Variants in ST6GALNAC3 observed in about 807,000 individuals in gnomAD.
ST6GALNAC3 encodes the protein ST6 N-acetylgalactosaminide alpha-2,6-sialyltransferase 3, also known as alpha-N-acetylgalactosaminide alpha-2,6-sialyltransferase 3.
Under a neutral mutation model 32.7 loss-of-function variants are expected in ST6GALNAC3, and 25 were observed. The observed-to-expected ratio is 0.76, with a 90% CI of 0.56 to 1.07. The LOEUF (loss-of-function observed/expected upper bound fraction) is 1.07. Among genes scored for constraint, ST6GALNAC3 ranks in the 50% least tolerant of loss-of-function variants. ST6GALNAC3 has a pLI of 0.00. For synonymous variants in ST6GALNAC3, 129 were observed against 133.1 expected (o/e 0.97, Z 0.21); for missense variants, 355 against 382.4 (o/e 0.93, Z 0.60).
At chr1:76,589,968 G>A (rs544608149) in intron 3 of ST6GALNAC3, among the ~76,000 whole-genome samples, 18 of 152,076 alleles carry the variant, frequency 1.2e-4, no homozygotes, top group Admixed American at 5.2e-4. Context: ...TTTATTCAGC[G>A]TCACCTTCTC....
chr1:76,472,760 G>A (rs891744124), intron 3 of ST6GALNAC3, among the ~76,000 whole-genome samples: 1 of 152,068 alleles, frequency 6.6e-6, no homozygotes, highest in African/African-American at 2.4e-5. Flanking sequence ...GTTGTTTTTG[G>A]TGCACGTGCG....
chr1:76,528,400 C>T (rs1342641130), intron 3 of ST6GALNAC3, among the ~76,000 whole-genome samples: 2 of 152,012 alleles, frequency 1.3e-5, no homozygotes, highest in South Asian at 2.1e-4. Flanking sequence ...AGGTCTTCTT[C>T]GGGATCCTGG....
chr1:76,251,093 C>CT lies in ST6GALNAC3; in HGVS notation c.19-62703dup, dbSNP rs960189760. Among the ~76,000 whole-genome samples, 57 of 151,422 alleles carry CT rather than the reference C, an allele frequency of 3.8e-4. 1 individual carries two copies. Among genetic ancestry groups the CT allele is most frequent in the African/African-American group, 7.7e-4 (32 of 41,340 alleles). On this transcript the variant is annotated intron_variant, in intron 1 of 4. Coordinates refer to ENST00000328299, the MANE Select transcript of ST6GALNAC3 (RefSeq NM_152996.4). ...CATTGAAAGTCAAACTTCTCCTACC[C>CT]TTTTTTTTTATCGCCTTTTCCACCT...
chr1:76,492,882 C>T (rs988180870), intron 3 of ST6GALNAC3, among the ~76,000 whole-genome samples: 1 of 152,118 alleles, frequency 6.6e-6, no homozygotes, highest in Non-Finnish European at 1.5e-5. Flanking sequence ...ACCTGTTCTA[C>T]TAACTATTTT....
At chr1:76,274,749 G>A (rs1659039157) in intron 1 of ST6GALNAC3, among the ~76,000 whole-genome samples, 2 of 152,256 alleles carry the variant, frequency 1.3e-5, no homozygotes, top group African/African-American at 2.4e-5. Context: ...GTGGAGGGGG[G>A]TGCTTTTCCA....
chr1:76,322,600 G>T (rs531523199), intron 2 of ST6GALNAC3, among the ~76,000 whole-genome samples: 7 of 152,154 alleles, frequency 4.6e-5, no homozygotes, highest in Non-Finnish European at 8.8e-5. Flanking sequence ...AAGGTAATTT[G>T]TCACTAAGTA....
intron 1 of ST6GALNAC3, among the ~76,000 whole-genome samples, chr1:76,283,953 C>T (rs920844246): frequency 2.6e-5 from 4 of 152,108 alleles, no homozygotes; most frequent in Non-Finnish European, 5.9e-5. Flanking sequence ...ATAAGGGAAC[C>T]TTTATCATTA....
chr1:76,395,691 G>A (rs2101178921), intron 2 of ST6GALNAC3, among the ~76,000 whole-genome samples: 1 of 152,244 alleles, frequency 6.6e-6, no homozygotes, highest in East Asian at 1.9e-4. Context: ...GGAACTGGGG[G>A]TGATTCTGTT....
chr1:76,156,354 G>A (rs1270236703), intron 1 of ST6GALNAC3, among the ~76,000 whole-genome samples: 2 of 152,010 alleles, frequency 1.3e-5, no homozygotes, highest in African/African-American at 4.8e-5. Context: ...ACTTAAGGAG[G>A]GGGAGTTATA....
At chr1:76,384,620 T>A (rs910548511) in intron 2 of ST6GALNAC3, among the ~76,000 whole-genome samples, 3 of 152,098 alleles carry the variant, frequency 2.0e-5, no homozygotes, top group African/African-American at 7.2e-5. Flanking sequence ...TTAACCAAAT[T>A]AATCACATAC....
chr1:76,498,822 T>C (rs1322339308), intron 3 of ST6GALNAC3, among the ~76,000 whole-genome samples: 1 of 152,070 alleles, frequency 6.6e-6, no homozygotes, highest in Non-Finnish European at 1.5e-5. Flanking sequence ...CTGGAAAGTG[T>C]CTGGGAAGAG....
At chr1:76,313,674 TA>T in intron 1 of ST6GALNAC3, 130 bp from the exon 2 acceptor site, 1 of 1,005,848 alleles carries the variant, frequency 9.9e-7, no homozygotes, top group Non-Finnish European at 1.6e-6. Context: ...CATTTCCAGG[TA>T]AAATATGCTG....
chr1:76,077,916 C>T (rs1646838896), intron 1 of ST6GALNAC3, among the ~76,000 whole-genome samples: 2 of 152,172 alleles, frequency 1.3e-5, no homozygotes, highest in Non-Finnish European at 2.9e-5. Flanking sequence ...ACCCCATTCT[C>T]AAATGGCTTA....
intron 2 of ST6GALNAC3, among the ~76,000 whole-genome samples, chr1:76,339,121 G>C (rs987070152): frequency 8.5e-5 from 13 of 152,170 alleles, no homozygotes; most frequent in African/African-American, 3.1e-4. Flanking sequence ...GTGATCCTGA[G>C]AGTGGTAGGC....
chr1:76,367,451 A>C (rs1225917215), intron 2 of ST6GALNAC3, among the ~76,000 whole-genome samples: 1 of 152,162 alleles, frequency 6.6e-6, no homozygotes, highest in Admixed American at 6.5e-5. Flanking sequence ...GGAAATAAAC[A>C]TAACTAAGAA....
intron 2 of ST6GALNAC3, among the ~76,000 whole-genome samples, chr1:76,347,755 A>G (rs867851153): frequency 3.3e-5 from 5 of 152,096 alleles, no homozygotes; most frequent in South Asian, 2.1e-4. Flanking sequence ...CTCTTGCTCT[A>G]TCTATCACTA....
At position 76,628,891 on chromosome 1, in the gene ST6GALNAC3, G is replaced by T. The variant is rs1570488983; in HGVS notation, c.*85G>T. On this transcript the variant is annotated 3_prime_UTR_variant, in exon 5 of 5. Transcript: ENST00000328299. ...GCTGATGATGCTAATGGAGATGATG[G>T]TAATGATAAAGACAACAACAATGAT... The T allele has an allele frequency of 1.3e-6, 2 of 1,566,764 alleles. No individual in the cohort carries two copies. The highest frequency in any genetic ancestry group is 2.3e-5 in the East Asian group (1 of 44,278).
intron 1 of ST6GALNAC3, among the ~76,000 whole-genome samples, chr1:76,225,355 T>C (rs1444385185): frequency 6.6e-6 from 1 of 152,156 alleles, no homozygotes; most frequent in East Asian, 1.9e-4. Context: ...TGGTCCCTTG[T>C]GAAGAATGTA....
intron 1 of ST6GALNAC3, among the ~76,000 whole-genome samples, chr1:76,308,368 A>G (rs1422452501): frequency 6.6e-6 from 1 of 151,940 alleles, no homozygotes; most frequent in Admixed American, 6.6e-5. Flanking sequence ...TATGCTTCTG[A>G]TCTTAGGGGA....
Sources: allele counts gnomAD v4.1 joint callset (sites outside exome capture counted in the v4.1 genomes callset), GRCh38; gene constraint gnomAD v4.1.1; transcripts MANE v1.5; gene names NCBI Gene and HGNC (gene_info 2026-07-23, HGNC 2026-07-21).